Variants in FDFT1 observed in about 807,000 individuals in gnomAD.
The protein encoded by FDFT1 is farnesyl-diphosphate farnesyltransferase 1, also known as squalene synthase.
FDFT1 carries 68 observed loss-of-function variants against 46.8 expected under a neutral mutation model. The observed-to-expected ratio is 1.45, with a 90% CI of 1.19 to 1.78. FDFT1 has a LOEUF of 1.78. Among genes scored for constraint, FDFT1 ranks in the 40% most tolerant of loss-of-function variants. The pLI is 0.00. For synonymous variants in FDFT1, 351 were observed against 185.1 expected (o/e 1.90, Z -7.28); for missense variants, 928 against 524.4 (o/e 1.77, Z -7.52).
intron 1 of FDFT1, chr8:11,808,205 A>C: frequency 9.2e-7 from 1 of 1,091,522 alleles, no homozygotes; most frequent in Non-Finnish European, 1.1e-6. Context: ...CTTATTGGGA[A>C]GAGGATTTCA....
At chr8:11,797,089 C>G (rs915654387) in intron 1 of FDFT1, among the ~76,000 whole-genome samples, 1 of 152,130 alleles carries the variant, frequency 6.6e-6, no homozygotes, top group Non-Finnish European at 1.5e-5. Context: ...GTGGTAAATC[C>G]TGGGTGTTGC....
intron 1 of FDFT1, 158 bp downstream of exon 1, chr8:11,803,089 A>G: frequency 1.4e-6 from 2 of 1,439,622 alleles, no homozygotes; most frequent in Non-Finnish European, 1.8e-6. Flanking sequence ...TTCCCCCTGT[A>G]GGGCCCGGGT....
intron 3 of FDFT1, among the ~76,000 whole-genome samples, chr8:11,812,012 G>A (rs1186060126): frequency 1.3e-5 from 2 of 152,154 alleles, no homozygotes; most frequent in Non-Finnish European, 2.9e-5. Flanking sequence ...TCAGCTTTTG[G>A]CTAAGAGGTC....
In FDFT1 at chr8:11,818,673, A is replaced by T. The variant is rs543590866; in HGVS notation, c.382-3077A>T. Among the ~76,000 whole-genome samples, 18 of 151,460 alleles carry T rather than the reference A, an allele frequency of 1.2e-4. No homozygotes were observed. In the South Asian group the frequency reaches 3.3e-3, roughly 28 times the overall value. The stretch of plus-strand genomic sequence containing the variant: ...TTTAAAGTCTGTTTTATTAGAGACT[A>T]GGATTGCATTCCCTGCTTTTTTTTT... On this transcript the variant is annotated intron_variant, in intron 3 of 7. Transcript: ENST00000220584.
At chr8:11,825,260 G>T (rs1371459655) in intron 4 of FDFT1, among the ~76,000 whole-genome samples, 1 of 152,010 alleles carries the variant, frequency 6.6e-6, no homozygotes, top group East Asian at 1.9e-4. Context: ...TGTAAAGCTA[G>T]GGCGGGCACG....
At chr8:11,804,978 G>T (rs1231026870) in intron 1 of FDFT1, among the ~76,000 whole-genome samples, 2 of 137,948 alleles carry the variant, frequency 1.4e-5, no homozygotes, top group African/African-American at 5.4e-5. Context: ...GCCTGAACAT[G>T]ACTCACTCCA....
intron 5 of FDFT1, among the ~76,000 whole-genome samples, chr8:11,829,494 G>C (rs1367577064): frequency 6.6e-6 from 1 of 152,218 alleles, no homozygotes; most frequent in Non-Finnish European, 1.5e-5. Flanking sequence ...TCTTACCAGA[G>C]TAGGAATATA....
At chr8:11,803,025 G>C (rs1806335546) in intron 1 of FDFT1, 94 bp downstream of exon 1, 6 of 1,505,266 alleles carry the variant, frequency 4.0e-6, no homozygotes, top group Non-Finnish European at 5.3e-6. Context: ...TGGGGCAAGG[G>C]GCGCGGCGAG....
chr8:11,802,714 G>A (rs1199225502), upstream of FDFT1: 3 of 782,262 alleles, frequency 3.8e-6, no homozygotes, highest in Non-Finnish European at 6.4e-6. Flanking sequence ...GCCGTACTAG[G>A]CCTGCCCCCT....
rs779354465 is a variant in FDFT1, at chr8:11,838,491, G to A, written c.1136G>A (p.Arg379Gln). ...QNLPNCQLISRSHYSPIYLSF... is the reference protein window; with the variant it reads ...QNLPNCQLISQSHYSPIYLSF... ...CTTCCCAACTGTCAGCTGATTTCCC[G>A]AAGCCACTACTCCCCCATCTACCTG... Residue 379 changes from arginine (R) to glutamine (Q), a missense_variant, in exon 8 of 8, where the codon CGA becomes CAA. By Grantham distance (43) the Arg-to-Gln change is conservative. Coordinates refer to ENST00000220584, the MANE Select transcript of FDFT1 (RefSeq NM_004462.5). The A allele has an allele frequency of 7.7e-5, 123 of 1,605,904 alleles. No homozygotes were observed. The highest frequency in any genetic ancestry group is 5.7e-4 in the Admixed American group (34 of 59,226).
intron 3 of FDFT1, among the ~76,000 whole-genome samples, chr8:11,817,822 ATTTTT>A (rs150361729): frequency 6.7e-6 from 1 of 148,880 alleles, no homozygotes; most frequent in African/African-American, 2.5e-5. Flanking sequence ...GGATTCATTA[ATTTTT>A]TTTTTTGAAG....
At chr8:11,818,928 A>T (rs1211557472) in intron 3 of FDFT1, among the ~76,000 whole-genome samples, 1 of 152,170 alleles carries the variant, frequency 6.6e-6, no homozygotes, top group African/African-American at 2.4e-5. Flanking sequence ...CCATTAATTG[A>T]TGCAGTTTCT....
chr8:11,839,295 T>A lies in FDFT1; in HGVS notation c.*686T>A, dbSNP rs1811998575. Reference sequence around the variant, plus strand: ...TTTATAATAAAGAATTTAATTGCTCTGCATTTGTCAAGTACAGTTCGCTTG... The same window carrying A: ...TTTATAATAAAGAATTTAATTGCTCAGCATTTGTCAAGTACAGTTCGCTTG... On this transcript the variant is annotated 3_prime_UTR_variant, in exon 8 of 8. Coordinates refer to ENST00000220584, the MANE Select transcript of FDFT1 (RefSeq NM_004462.5). The A allele has an allele frequency of 6.6e-6, 1 of 150,800 alleles. No homozygotes were observed. Among genetic ancestry groups the A allele is most frequent in the African/African-American group, 2.4e-5 (1 of 41,320 alleles). 9.3% of individuals were successfully genotyped at this position (150,800 alleles called of 1,614,324 possible).
chr8:11,801,719 A>C (rs1353461874), upstream of FDFT1: 3 of 260,536 alleles, frequency 1.2e-5, no homozygotes, highest in Non-Finnish European at 2.3e-5. Context: ...TTGGAGACGT[A>C]GTCTTGCTCT....
intron 1 of FDFT1, among the ~76,000 whole-genome samples, chr8:11,805,972 G>C (rs1032038830): frequency 7.2e-5 from 11 of 152,134 alleles, no homozygotes; most frequent in Admixed American, 5.9e-4. Context: ...ATAAATGGTG[G>C]TTATCAATCT....
Position 11,838,567 on chromosome 8 carries a change from C to T in FDFT1, c.1212C>T (p.Leu404=), listed in dbSNP as rs1333271485. 2.5e-6 allele frequency: 4 copies of T among 1,613,918 alleles called. No homozygotes were observed. The highest frequency in any genetic ancestry group is 4.5e-5 in the East Asian group (2 of 44,888). The change falls in exon 8 of 8, where the codon CTC becomes CTT. Residue 404 remains leucine (L), a synonymous_variant. Transcript: ENST00000220584. The stretch of plus-strand genomic sequence containing the variant: ...TGAGCTGGCAGTACCTGACCACTCT[C>T]TCCCAGGTAACAGAAGACTATGTTC... ...AALSWQYLTT[L]SQVTEDYVQT...
At chr8:11,831,488 CTT>C (rs1563339299) in intron 6 of FDFT1, 28 bp from the exon 7 acceptor site, 5 of 1,599,960 alleles carry the variant, frequency 3.1e-6, no homozygotes, top group Non-Finnish European at 3.4e-6. Flanking sequence ...ATCATTTCTT[CTT>C]TTTTCCCTCT....
chr8:11,829,365 G>GA (rs1413815599), intron 5 of FDFT1, among the ~76,000 whole-genome samples: 1 of 152,064 alleles, frequency 6.6e-6, no homozygotes, highest in Non-Finnish European at 1.5e-5. Context: ...TCATCAAGCC[G>GA]AATCCCACTG....
At chr8:11,835,970 C>G (rs577184302) in intron 7 of FDFT1, among the ~76,000 whole-genome samples, 1 of 8,026 alleles carries the variant, frequency 1.2e-4, no homozygotes, top group African/African-American at 2.0e-4. Flanking sequence ...CCTGTCTCTA[C>G]TAAAAAAAAA....
Sources: allele counts gnomAD v4.1 joint callset (sites outside exome capture counted in the v4.1 genomes callset), GRCh38; gene constraint gnomAD v4.1.1; transcripts MANE v1.5; gene names NCBI Gene and HGNC (gene_info 2026-07-23, HGNC 2026-07-21).